The following GFRA1 variants were observed in gnomAD, a reference collection of about 807,000 sequenced individuals.
The protein encoded by GFRA1 is GDNF family receptor alpha-1.
A neutral mutation model predicts 51.6 loss-of-function variants in GFRA1; 16 were observed. The ratio of observed to expected loss-of-function variants is 0.31; its 90% CI spans 0.21 to 0.47. The LOEUF (loss-of-function observed/expected upper bound fraction) is 0.47. GFRA1 is among the 20% of genes least tolerant of loss of function. The pLI is 1.00. For synonymous variants in GFRA1, 270 were observed against 241.3 expected (o/e 1.12, Z -1.10); for missense variants, 530 against 594.3 (o/e 0.89, Z 1.13).
intron 5 of GFRA1, among the ~76,000 whole-genome samples, chr10:116,203,002 A>T (rs541447363): frequency 3.3e-5 from 5 of 152,220 alleles, no homozygotes; most frequent in African/African-American, 9.6e-5. Context: ...AACAGGGATC[A>T]ATCTGGCCAA....
intron 5 of GFRA1, among the ~76,000 whole-genome samples, chr10:116,172,470 A>G (rs79187442): frequency 0.035 from 5,348 of 152,252 alleles, 286 homozygotes; most frequent in African/African-American, 0.12. Context: ...AAGGCTGTCA[A>G]TGAGAGATGA....
chr10:116,210,163 T>A (rs1247484684), intron 5 of GFRA1, among the ~76,000 whole-genome samples: 2 of 152,168 alleles, frequency 1.3e-5, no homozygotes, highest in African/African-American at 4.8e-5. Flanking sequence ...GGCAGTCTGG[T>A]AAGCCATTTT....
intron 5 of GFRA1, among the ~76,000 whole-genome samples, chr10:116,152,385 A>G (rs1162195669): frequency 6.6e-6 from 1 of 152,156 alleles, no homozygotes; most frequent in Admixed American, 6.6e-5. Flanking sequence ...GTGTTGCTAT[A>G]AAGAAGTACC....
At position 116,061,169 on chromosome 10, in the gene GFRA1, G is replaced by C. The variant is rs1214592598; in HGVS notation, c.*3229C>G. The C allele has an allele frequency of 6.6e-6, 1 of 150,504 alleles. No individual in the cohort carries two copies. Among genetic ancestry groups the C allele is most frequent in the Non-Finnish European group, 1.5e-5 (1 of 67,296 alleles). The allele number at this position is 150,504 out of a possible 1,614,324, so 9.3% of individuals were successfully genotyped here. Reference sequence around the variant, plus strand: ...CCAAATCAAAGGCTGAGGCAGCTCTGGGGGAGCCCTGTCCGGTGTTTGAGG... The same window carrying C: ...CCAAATCAAAGGCTGAGGCAGCTCTCGGGGAGCCCTGTCCGGTGTTTGAGG... On this transcript the variant is annotated 3_prime_UTR_variant, in exon 11 of 11. Coordinates refer to ENST00000355422, the MANE Select transcript of GFRA1 (RefSeq NM_005264.8).
At chr10:116,126,393 G>A (rs1230822036) in intron 5 of GFRA1, among the ~76,000 whole-genome samples, 1 of 152,346 alleles carries the variant, frequency 6.6e-6, no homozygotes, top group African/African-American at 2.4e-5. Flanking sequence ...TGTCCACACC[G>A]CCTGCCCTCT....
chr10:116,179,047 G>A (rs1484651820), intron 5 of GFRA1, among the ~76,000 whole-genome samples: 1 of 152,174 alleles, frequency 6.6e-6, no homozygotes, highest in Non-Finnish European at 1.5e-5. Context: ...TGTTCATGCA[G>A]AGGAAGTTAC....
chr10:116,080,377 G>C (rs532848902), intron 9 of GFRA1, among the ~76,000 whole-genome samples: 8 of 152,176 alleles, frequency 5.3e-5, no homozygotes, highest in Admixed American at 2.6e-4. Flanking sequence ...AAGTTTCACA[G>C]TGCTACAAAT....
intron 5 of GFRA1, among the ~76,000 whole-genome samples, chr10:116,174,080 CA>C (rs938897080): frequency 6.8e-6 from 1 of 148,100 alleles, no homozygotes; most frequent in South Asian, 2.1e-4. Flanking sequence ...AACTCCATTT[CA>C]AAAAAAAAGT....
intron 4 of GFRA1, among the ~76,000 whole-genome samples, chr10:116,255,472 T>A (rs1239121356): frequency 1.4e-5 from 2 of 146,112 alleles, no homozygotes; most frequent in East Asian, 2.0e-4. Context: ...TGCATTTTTT[T>A]AAACATTCTT....
intron 9 of GFRA1, among the ~76,000 whole-genome samples, chr10:116,083,933 A>G (rs141823173): frequency 2.0e-5 from 3 of 152,326 alleles, no homozygotes; most frequent in East Asian, 1.9e-4. Flanking sequence ...GCTGCATCCT[A>G]CAAGTACCTG....
Position 116,124,393 on chromosome 10 carries a change from C to T in GFRA1, c.770+828G>A, listed in dbSNP as rs142771080. The stretch of plus-strand genomic sequence containing the variant: ...TACAGGCGCCTGCCACCATGCCCGG[C>T]TAATTTTTTGTATTTTTACTAGAGA... On this transcript the variant is annotated intron_variant, in intron 6 of 10. Transcript: ENST00000355422. 4.9e-3 allele frequency among the ~76,000 whole-genome samples: 744 copies of T among 151,508 alleles called. 7 individuals carry two copies. The highest frequency in any genetic ancestry group is 0.017 in the African/African-American group (701 of 41,232).
chr10:116,095,578 GA>G (rs1187351655), intron 7 of GFRA1, among the ~76,000 whole-genome samples: 5 of 152,148 alleles, frequency 3.3e-5, no homozygotes, highest in Admixed American at 3.3e-4. Context: ...GGGATCTGGG[GA>G]AAGCTATTAC....
chr10:116,144,871 A>G (rs1200393929), intron 5 of GFRA1, among the ~76,000 whole-genome samples: 1 of 152,056 alleles, frequency 6.6e-6, no homozygotes, highest in Non-Finnish European at 1.5e-5. Context: ...AATTTTGGCC[A>G]AGGTTGGTGG....
At chr10:116,230,611 G>T (rs186473321) in intron 4 of GFRA1, among the ~76,000 whole-genome samples, 1 of 152,122 alleles carries the variant, frequency 6.6e-6, no homozygotes, top group Non-Finnish European at 1.5e-5. Flanking sequence ...AAACAAGACT[G>T]GTTTCAACTC....
At chr10:116,232,368 C>T (rs6585383) in intron 4 of GFRA1, among the ~76,000 whole-genome samples, 69,235 of 151,904 alleles carry the variant, frequency 0.46, 17,196 homozygotes, top group Non-Finnish European at 0.55. Flanking sequence ...CCTCGACTTC[C>T]CTTTAAATAT....
chr10:116,094,433 G>A (rs1012902311), intron 7 of GFRA1, among the ~76,000 whole-genome samples: 1 of 152,146 alleles, frequency 6.6e-6, no homozygotes, highest in African/African-American at 2.4e-5. Context: ...GGCTCCTAGA[G>A]TATTGCCTGT....
At chr10:116,080,184 C>T (rs1955789065) in intron 9 of GFRA1, among the ~76,000 whole-genome samples, 1 of 152,180 alleles carries the variant, frequency 6.6e-6, no homozygotes, top group South Asian at 2.1e-4. Flanking sequence ...GAGCTGGGCA[C>T]CATTCTGAGC....
At chr10:116,180,632 T>C (rs3781542) in intron 5 of GFRA1, among the ~76,000 whole-genome samples, 143,756 of 152,262 alleles carry the variant, frequency 0.94, 67,881 homozygotes, top group Admixed American at 0.97. Context: ...CTAGATTCTA[T>C]ACCCACCCAC....
rs1320606924 is a variant in GFRA1, at chr10:116,271,130, G to A, written c.41-15C>T. 5 of 1,592,274 alleles carry A rather than the reference G, an allele frequency of 3.1e-6. No homozygotes were observed. The highest frequency in any genetic ancestry group is 3.4e-6 in the Non-Finnish European group (4 of 1,164,070). On this transcript the variant is annotated splice_polypyrimidine_tract_variant and intron_variant, in intron 2 of 10. Coordinates refer to ENST00000355422, the MANE Select transcript of GFRA1 (RefSeq NM_005264.8). ...CAGGAGCAAGTCTGCGGGGCAGAGG[G>A]GAGGGAGCCTGAGTGCGGCGGGCGG...
Sources: gnomAD v4.1 joint callset for allele counts (sites outside exome capture counted in the v4.1 genomes callset) on GRCh38, gnomAD v4.1.1 for gene constraint, MANE v1.5 for transcripts, NCBI Gene and HGNC (gene_info 2026-07-23, HGNC 2026-07-21) for gene names.